The following SHE variants were observed in gnomAD, a reference collection of about 807,000 sequenced individuals.
SHE encodes the protein SH2 domain-containing adapter protein E.
In SHE, 11 loss-of-function variants were observed where a neutral mutation model predicts 49.8. The ratio of observed to expected loss-of-function variants is 0.22; its 90% CI spans 0.14 to 0.37. SHE has a LOEUF of 0.37. SHE is among the 10% of genes least tolerant of loss of function. The probability of loss-of-function intolerance (pLI) is 1.00; values close to 1 mark genes in which losing one functional copy is unlikely to be tolerated. For missense variants in SHE, 624 were observed against 655.5 expected, an observed-to-expected ratio of 0.95 and a Z score of 0.52; for synonymous variants, 310 against 278.1, an observed-to-expected ratio of 1.11 and a Z score of -1.14.
chr1:154,491,203 C>T (rs1692350341), intron 2 of SHE, among the ~76,000 whole-genome samples: 1 of 152,194 alleles, frequency 6.6e-6, no homozygotes, highest in African/African-American at 2.4e-5. Context: ...ATGCAGATAC[C>T]TCATCTCTTA....
chr1:154,493,524 A>G (rs1692433183), intron 2 of SHE, among the ~76,000 whole-genome samples: 1 of 152,246 alleles, frequency 6.6e-6, no homozygotes, highest in Non-Finnish European at 1.5e-5. Flanking sequence ...GGGGACGGGC[A>G]GCAGATAAAC....
In SHE at chr1:154,486,348, G is replaced by A. The variant is rs148787483; in HGVS notation, c.1181+179C>T. On this transcript the variant is annotated intron_variant, in intron 4 of 5. Coordinates refer to ENST00000304760, the MANE Select transcript of SHE (RefSeq NM_001010846.3). ...CTTACAATGAGCTTGTTGAGATGCA[G>A]TGCACTTTCCATTTTGCACAATGCA... Among the ~76,000 whole-genome samples, 268 of 152,330 alleles carry A rather than the reference G, an allele frequency of 1.8e-3. 2 individuals carry two copies. The highest frequency in any genetic ancestry group is 5.7e-3 in the African/African-American group (236 of 41,562).
At position 154,484,031 on chromosome 1, in the gene SHE, CA is replaced by C; in HGVS notation, c.*117del. 1 of 1,455,476 alleles carries C rather than the reference CA, an allele frequency of 6.9e-7. No individual in the cohort carries two copies. The highest frequency in any genetic ancestry group is 1.5e-5 in the South Asian group (1 of 67,452). 90.2% of individuals were successfully genotyped at this position (1,455,476 alleles called of 1,614,324 possible). ...CAAAACAAATCACTCTCTGACTTTTCAAGGAAGACTCCCATTTTCTAGCAGT... is the reference window on the plus strand; with the variant it reads ...CAAAACAAATCACTCTCTGACTTTTCAGGAAGACTCCCATTTTCTAGCAGT... On this transcript the variant is annotated 3_prime_UTR_variant, in exon 6 of 6. Coordinates refer to ENST00000304760, the MANE Select transcript of SHE (RefSeq NM_001010846.3).
In SHE at chr1:154,483,306, G is replaced by A; in HGVS notation, c.*843C>T. 1 of 985,380 alleles carries A rather than the reference G, an allele frequency of 1.0e-6. No individual in the cohort carries two copies. Among genetic ancestry groups the A allele is most frequent in the Non-Finnish European group, 1.2e-6 (1 of 829,918 alleles). 61.0% of individuals were successfully genotyped at this position (985,380 alleles called of 1,614,324 possible). A position where few individuals can be genotyped will look rare whatever the true frequency, so the allele number is the denominator to read the frequency against. On this transcript the variant is annotated 3_prime_UTR_variant, in exon 6 of 6. Coordinates refer to ENST00000304760, the MANE Select transcript of SHE (RefSeq NM_001010846.3). ...CCTTAGGCCACACTCTGAAGTTGCG[G>A]ATTTCCATGAACTCCAGAGCTGAAT...
In SHE at chr1:154,481,787, A is replaced by G. The variant is rs1226312281; in HGVS notation, c.*2362T>C. On this transcript the variant is annotated 3_prime_UTR_variant, in exon 6 of 6. Coordinates refer to ENST00000304760, the MANE Select transcript of SHE (RefSeq NM_001010846.3). The stretch of plus-strand genomic sequence containing the variant: ...TAAAATCTTACACTAAAGATATAGT[A>G]AATGAACCAATACACACTGAAAACA... 2.1e-6 allele frequency: 2 copies of G among 972,020 alleles called. No individual in the cohort carries two copies. Among genetic ancestry groups the G allele is most frequent in the African/African-American group, 3.5e-5 (2 of 56,944 alleles). The allele number at this position is 972,020 out of a possible 1,614,324, so 60.2% of individuals were successfully genotyped here. A position where few individuals can be genotyped will look rare whatever the true frequency, so the allele number is the denominator to read the frequency against.
At position 154,489,156 on chromosome 1, in the gene SHE, C is replaced by G. The variant is rs1332154531; in HGVS notation, c.919G>C (p.Ala307Pro). 1.9e-6 allele frequency: 3 copies of G among 1,614,122 alleles called. No individual in the cohort carries two copies. The highest frequency in any genetic ancestry group is 2.5e-6 in the Non-Finnish European group (3 of 1,180,004). ...GGCAGCCGGCTGTCTGGGGGCCGCG[C>G]CTTCCCCTCTGCCCTGGGCCCCCCT... ...AEGGPRAEGKARPPDSRLPEN... is the reference protein window; with the variant it reads ...AEGGPRAEGKPRPPDSRLPEN... Residue 307 changes from alanine (A) to proline (P), a missense_variant, in exon 3 of 6, where the codon GCG (alanine) becomes CCG (proline). Coordinates refer to ENST00000304760, the MANE Select transcript of SHE (RefSeq NM_001010846.3).
downstream of SHE, among the ~76,000 whole-genome samples, chr1:154,477,674 T>C (rs191264549): frequency 2.5e-3 from 386 of 152,152 alleles, 3 homozygotes; most frequent in African/African-American, 8.9e-3. Context: ...GTGGATCACA[T>C]GAGGTCAGGA....
chr1:154,499,348 C>G, intron 1 of SHE, 110 bp from the exon 2 acceptor site: 1 of 1,255,754 alleles, frequency 8.0e-7, no homozygotes, highest in East Asian at 2.4e-5. Flanking sequence ...GTCAAAATCT[C>G]TATAACCAGT....
At position 154,479,783 on chromosome 1, in the gene SHE, T is replaced by C. The variant is rs1452046234; in HGVS notation, c.*4366A>G. The stretch of plus-strand genomic sequence containing the variant: ...TCTGTTGCCAGCATATTAATTAAAA[T>C]ACAATTTGAGATTCTAAATTACACG... On this transcript the variant is annotated 3_prime_UTR_variant, in exon 6 of 6. Coordinates refer to ENST00000304760, the MANE Select transcript of SHE (RefSeq NM_001010846.3). 3.0e-6 allele frequency: 3 copies of C among 985,296 alleles called. No individual in the cohort carries two copies. The highest frequency in any genetic ancestry group is 1.2e-6 in the Non-Finnish European group (1 of 829,922). The allele number at this position is 985,296 out of a possible 1,614,324, so 61.0% of individuals were successfully genotyped here.
In SHE at chr1:154,483,045, G is replaced by A. The variant is rs1692064148; in HGVS notation, c.*1104C>T. Reference sequence around the variant, plus strand: ...TTAATTCAGTAAAAAAACAGTTGTGGAGCTTTGCAAATTTCCAGAATTTTA... The same window carrying A: ...TTAATTCAGTAAAAAAACAGTTGTGAAGCTTTGCAAATTTCCAGAATTTTA... On this transcript the variant is annotated 3_prime_UTR_variant, in exon 6 of 6. Coordinates refer to ENST00000304760, the MANE Select transcript of SHE (RefSeq NM_001010846.3). 1.0e-5 allele frequency: 10 copies of A among 984,732 alleles called. No homozygotes were observed. The highest frequency in any genetic ancestry group is 1.2e-5 in the Non-Finnish European group (10 of 829,482). 61.0% of individuals were successfully genotyped at this position (984,732 alleles called of 1,614,324 possible).
chr1:154,501,310 G>T, intron 1 of SHE, 126 bp downstream of exon 1: 1 of 826,388 alleles, frequency 1.2e-6, no homozygotes, highest in Non-Finnish European at 2.0e-6. Context: ...CCCAAATGGT[G>T]GAGGGAGAAA....
At chr1:154,477,823 G>T (rs1471091829), downstream of SHE, among the ~76,000 whole-genome samples, 1 of 150,448 alleles carries the variant, frequency 6.6e-6, no homozygotes, top group Admixed American at 6.6e-5. Flanking sequence ...CCTGGGAGGT[G>T]GAGGTTGCAG....
At chr1:154,473,421 G>T (rs1020607811) in intron 1 of SHE, among the ~76,000 whole-genome samples, 6 of 152,000 alleles carry the variant, frequency 3.9e-5, no homozygotes, top group African/African-American at 1.4e-4. Flanking sequence ...GCTGCAGTGA[G>T]CCGTGATAGT....
chr1:154,484,274 T>G lies in SHE; in HGVS notation c.1363A>C (p.Asn455His), dbSNP rs1212076637. The G allele has an allele frequency of 6.2e-7, 1 of 1,614,120 alleles. No homozygotes were observed. Among genetic ancestry groups the G allele is most frequent in the Admixed American group, 1.7e-5 (1 of 60,008 alleles). Residue 455 changes from asparagine (N) to histidine (H), a missense_variant, in exon 6 of 6, where the codon AAT becomes CAT. By Grantham distance (68) the Asn-to-His change is moderately conservative. Transcript: ENST00000304760. Reference protein sequence around the residue: ...AQTKDNKYTLNQTSAVFDSIP... With the variant: ...AQTKDNKYTLHQTSAVFDSIP... Reference sequence around the variant, plus strand: ...CTGTCAAACACAGCGCTTGTCTGATTCAGTGTGTATTTGTTGTCTTTGGTC... The same window carrying G: ...CTGTCAAACACAGCGCTTGTCTGATGCAGTGTGTATTTGTTGTCTTTGGTC...
chr1:154,470,175 C>A, exon 2 of SHE: 1 of 488,408 alleles, frequency 2.0e-6, no homozygotes, highest in Admixed American at 3.0e-5. Flanking sequence ...CCTTGTCTTG[C>A]AGAAAGTGAC....
At chr1:154,476,335 A>T (rs1691875200), downstream of SHE, among the ~76,000 whole-genome samples, 1 of 151,950 alleles carries the variant, frequency 6.6e-6, no homozygotes, top group South Asian at 2.1e-4. Context: ...AACAGAGAAG[A>T]CCCTGTCTCA....
intron 3 of SHE, among the ~76,000 whole-genome samples, chr1:154,488,820 C>G (rs1692265782): frequency 6.6e-6 from 1 of 152,286 alleles, no homozygotes; most frequent in East Asian, 1.9e-4. Context: ...CTCCTGGGGT[C>G]AAGTGATCCG....
chr1:154,469,992 G>A (rs949158873), exon 2 of SHE: 1 of 288,356 alleles, frequency 3.5e-6, no homozygotes, highest in African/African-American at 2.2e-5. Context: ...ACAGTTCAGG[G>A]ATGGGGAGGC....
At position 154,481,494 on chromosome 1, in the gene SHE, G is replaced by A; in HGVS notation, c.*2655C>T. The A allele has an allele frequency of 1.0e-6, 1 of 985,362 alleles. No individual in the cohort carries two copies. The highest frequency in any genetic ancestry group is 1.2e-6 in the Non-Finnish European group (1 of 829,916). 61.0% of individuals were successfully genotyped at this position (985,362 alleles called of 1,614,324 possible). A position where few individuals can be genotyped will look rare whatever the true frequency, so the allele number is the denominator to read the frequency against. On this transcript the variant is annotated 3_prime_UTR_variant, in exon 6 of 6. Transcript: ENST00000304760. The stretch of plus-strand genomic sequence containing the variant: ...GACAGAAGCTCAATAAATACTTAAT[G>A]TATCTGGCCTGTTTTCAAGATGTTA...
Sources: allele counts gnomAD v4.1 joint callset (sites outside exome capture counted in the v4.1 genomes callset), GRCh38; gene constraint gnomAD v4.1.1; transcripts MANE v1.5; gene names NCBI Gene and HGNC (gene_info 2026-07-23, HGNC 2026-07-21).